The following PDE8B variants were observed in gnomAD, a reference collection of about 807,000 sequenced individuals.
PDE8B encodes the protein high affinity cAMP-specific and IBMX-insensitive 3',5'-cyclic phosphodiesterase 8B.
PDE8B carries 26 observed loss-of-function variants against 101.3 expected under a neutral mutation model. The observed-to-expected ratio is 0.26, with a 90% CI of 0.19 to 0.36. The LOEUF is 0.36. PDE8B is among the 10% of genes least tolerant of loss of function. The pLI, the probability that PDE8B is intolerant of heterozygous loss-of-function variation, is 1.00. For synonymous variants in PDE8B, 424 were observed against 429.3 expected (o/e 0.99, Z 0.15); for missense variants, 810 against 1,163.1 (o/e 0.70, Z 4.42).
At chr5:77,178,884 C>T in the PDE8B span, among the ~76,000 whole-genome samples, 1 of 152,252 alleles carries the variant, frequency 6.6e-6, no homozygotes, top group Non-Finnish European at 1.5e-5. Context: ...CAGTTCCCTG[C>T]CGGGTGGGCC....
At chr5:77,353,300 A>T (rs1245998549) in intron 9 of PDE8B, 46 bp from the exon 10 acceptor site, 1 of 1,004,126 alleles carries the variant, frequency 1.0e-6, no homozygotes, top group African/African-American at 1.6e-5. Flanking sequence ...TGATTTGTTG[A>T]ATCATCTCAT....
the PDE8B span, among the ~76,000 whole-genome samples, chr5:77,111,015 G>A: frequency 4.0e-4 from 61 of 152,278 alleles, no homozygotes; most frequent in African/African-American, 1.5e-3. Flanking sequence ...TTGAGAAAGG[G>A]CATCTACAAA....
At chr5:77,365,987 G>C (rs1048910975) in intron 10 of PDE8B, among the ~76,000 whole-genome samples, 2 of 152,160 alleles carry the variant, frequency 1.3e-5, no homozygotes, top group Non-Finnish European at 2.9e-5. Context: ...GTGAGATTTG[G>C]GGACAAATAC....
intron 12 of PDE8B, 25 bp from the exon 13 acceptor site, chr5:77,407,356 C>T (rs754645407): frequency 3.7e-6 from 6 of 1,605,356 alleles, no homozygotes; most frequent in Admixed American, 3.3e-5. Context: ...CGGAACTGGA[C>T]ACAGCTTTCT....
At chr5:77,207,533 TA>T (rs200249475), upstream of PDE8B, among the ~76,000 whole-genome samples, 1,527 of 152,268 alleles carry the variant, frequency 0.01, 102 homozygotes, top group East Asian at 0.19. Context: ...TCCACTTAAT[TA>T]TTTTTTTAAT....
chr5:77,180,005 C>T, the PDE8B span, among the ~76,000 whole-genome samples: 11 of 152,174 alleles, frequency 7.2e-5, no homozygotes, highest in Admixed American at 6.5e-4. Context: ...TTGAGGGCTG[C>T]AGGCAAATCT....
At chr5:77,122,039 A>G in the PDE8B span, among the ~76,000 whole-genome samples, 22 of 152,200 alleles carry the variant, frequency 1.4e-4, no homozygotes, top group Admixed American at 2.0e-4. Flanking sequence ...ACAGGTTCCA[A>G]ATCCATAAAT....
At chr5:77,377,537 A>G (rs1786380429) in intron 10 of PDE8B, among the ~76,000 whole-genome samples, 1 of 152,252 alleles carries the variant, frequency 6.6e-6, no homozygotes, top group Non-Finnish European at 1.5e-5. Context: ...GATCCTAAAA[A>G]GTAGATGTGA....
At chr5:77,389,114 G>A (rs1341355999) in intron 10 of PDE8B, among the ~76,000 whole-genome samples, 2 of 151,844 alleles carry the variant, frequency 1.3e-5, no homozygotes, top group Non-Finnish European at 2.9e-5. Flanking sequence ...CAGCACTAGG[G>A]TATGAAAAAA....
chr5:77,353,798 C>G (rs577430722), intron 10 of PDE8B, among the ~76,000 whole-genome samples: 1 of 152,238 alleles, frequency 6.6e-6, no homozygotes, highest in South Asian at 2.1e-4. Flanking sequence ...CAAATTAGTA[C>G]TGCAATTTTT....
the PDE8B span, among the ~76,000 whole-genome samples, chr5:77,102,317 C>T: frequency 6.6e-6 from 1 of 152,044 alleles, no homozygotes; most frequent in African/African-American, 2.4e-5. Context: ...AGGAAAGAGT[C>T]CAGATCTAGA....
chr5:77,241,320 AAG>A (rs1755728582), intron 1 of PDE8B, among the ~76,000 whole-genome samples: 1 of 152,216 alleles, frequency 6.6e-6, no homozygotes, highest in South Asian at 2.1e-4. Flanking sequence ...AATCTGAAGA[AAG>A]AACCTTAATT....
At chr5:77,210,033 C>T (rs1747907847), upstream of PDE8B, among the ~76,000 whole-genome samples, 2 of 152,138 alleles carry the variant, frequency 1.3e-5, no homozygotes, top group African/African-American at 4.8e-5. The surrounding 1 kb of genome is among the most constrained non-coding windows in gnomAD (Gnocchi z 4.9). Context: ...TGAGGTCTCT[C>T]CATCACTTCC....
chr5:77,143,510 C>T, the PDE8B span, among the ~76,000 whole-genome samples: 1 of 152,100 alleles, frequency 6.6e-6, no homozygotes, highest in African/African-American at 2.4e-5. Context: ...GTCATTAAAA[C>T]ATACTGTTCA....
rs901243949 is a variant in PDE8B at position 77,331,421 on chromosome 5, G to A, written c.670G>A (p.Ala224Thr). ...CTGCAGATCGGATGACCATGAAGAGGCGTCAGTCCTTCCTCTTCTCCACGC... is the reference window on the plus strand; with the variant it reads ...CTGCAGATCGGATGACCATGAAGAGACGTCAGTCCTTCCTCTTCTCCACGC... ...VSRVSDDHEE[A>T]SVLPLLHAGF... The change falls in exon 5 of 22, where the codon GCG (alanine) becomes ACG (threonine). Residue 224 changes from alanine (A) to threonine (T), a missense_variant. Coordinates refer to ENST00000264917, the MANE Select transcript of PDE8B (RefSeq NM_003719.5). The A allele has an allele frequency of 7.4e-6, 12 of 1,613,924 alleles. No homozygotes were observed. Among genetic ancestry groups the A allele is most frequent in the Non-Finnish European group, 1.0e-5 (12 of 1,179,882 alleles).
chr5:77,329,137 C>A, intron 4 of PDE8B, 80 bp downstream of exon 4: 1 of 1,141,094 alleles, frequency 8.8e-7, no homozygotes, highest in Non-Finnish European at 1.3e-6. Context: ...GGTTTTTGAG[C>A]TATCTAAGCA....
rs117885928 is a variant in PDE8B, at chr5:77,359,747, G to A, written c.1167+6341G>A. 2.6e-5 allele frequency among the ~76,000 whole-genome samples: 4 copies of A among 152,162 alleles called. No individual in the cohort carries two copies. The East Asian group carries it at 7.7e-4, about 29-fold the overall frequency. ...CCCCCACCACCCCACCTCACCCTTA[G>A]CTGAGCCTCAGTCCTGGAGGCCTAA... On this transcript the variant is annotated intron_variant, in intron 10 of 21. Transcript: ENST00000264917.
At chr5:77,279,240 C>T (rs2086751872) in intron 1 of PDE8B, among the ~76,000 whole-genome samples, 1 of 152,154 alleles carries the variant, frequency 6.6e-6, no homozygotes, top group Non-Finnish European at 1.5e-5. Flanking sequence ...GTATTGTAAA[C>T]AGGATAGTTT....
At chr5:77,178,639 A>G in the PDE8B span, among the ~76,000 whole-genome samples, 1 of 152,238 alleles carries the variant, frequency 6.6e-6, no homozygotes, top group Non-Finnish European at 1.5e-5. Flanking sequence ...TCAGTGGTTT[A>G]CAATAACACA....
Sources: gnomAD v4.1 joint callset for allele counts (sites outside exome capture counted in the v4.1 genomes callset) on GRCh38, gnomAD v4.1.1 for gene constraint, Gnocchi (gnomAD v3.1) non-coding constraint, MANE v1.5 for transcripts, NCBI Gene and HGNC (gene_info 2026-07-23, HGNC 2026-07-21) for gene names.